Variants in PCCB observed in about 807,000 individuals in gnomAD.
The protein encoded by PCCB is propionyl-CoA carboxylase subunit beta, also known as propionyl-CoA carboxylase beta chain, mitochondrial.
In PCCB, 43 loss-of-function variants were observed where a neutral mutation model predicts 60.7. That is an observed-to-expected ratio of 0.71 (90% CI 0.55 to 0.91). The LOEUF (loss-of-function observed/expected upper bound fraction) is 0.91. PCCB is among the 40% of genes least tolerant of loss of function. PCCB has a pLI of 0.00. For missense variants in PCCB, 766 were observed against 702.8 expected (o/e 1.09, Z -1.02); for synonymous variants, 276 against 255.9 (o/e 1.08, Z -0.75).
chr3:136,315,499 C>G (rs1005530563), intron 9 of PCCB, among the ~76,000 whole-genome samples: 13 of 152,228 alleles, frequency 8.5e-5, no homozygotes, highest in Admixed American at 7.8e-4. Flanking sequence ...TGCACTCCAT[C>G]CTGGGCAGCT....
intron 5 of PCCB, among the ~76,000 whole-genome samples, chr3:136,267,543 G>A (rs1056723246): frequency 2.0e-5 from 3 of 151,932 alleles, no homozygotes; most frequent in Admixed American, 6.6e-5. Context: ...GAAGTGTAGT[G>A]GTGTAATCAT....
chr3:136,252,526 A>ATTTT, intron 1 of PCCB: 1 of 285,350 alleles, frequency 3.5e-6, no homozygotes, highest in Non-Finnish European at 6.8e-6. Flanking sequence ...GGATGACAGA[A>ATTTT]TTTTTTTTTT....
chr3:136,317,242 T>TTTTTTG (rs869106733), intron 10 of PCCB, among the ~76,000 whole-genome samples, 178 bp downstream of exon 10: 12 of 130,686 alleles, frequency 9.2e-5, no homozygotes, highest in South Asian at 2.5e-4. Flanking sequence ...TTTTTTTTTT[T>TTTTTTG]AGACAGGGTC....
intron 3 of PCCB, among the ~76,000 whole-genome samples, chr3:136,257,819 G>A (rs1228810834): frequency 6.6e-6 from 1 of 152,122 alleles, no homozygotes; most frequent in East Asian, 1.9e-4. Flanking sequence ...TGTAATCCCA[G>A]CTACTTGGGA....
At chr3:136,256,044 A>G in intron 2 of PCCB, 69 bp downstream of exon 2, 1 of 1,609,734 alleles carries the variant, frequency 6.2e-7, no homozygotes, top group South Asian at 1.1e-5. Context: ...CTAGAATAAT[A>G]ATAAATCTAT....
rs1394193747 is a variant in PCCB, at chr3:136,260,501, G to A, written c.395G>A (p.Ser132Asn). 1 of 1,613,624 alleles carries A rather than the reference G, an allele frequency of 6.2e-7. No homozygotes were observed. The highest frequency in any genetic ancestry group is 8.5e-7 in the Non-Finnish European group (1 of 1,179,720). ...FSQDFTVFGG[S>N]LSGAHAQKIC... The stretch of plus-strand genomic sequence containing the variant: ...TAGGATTTTACAGTTTTTGGAGGCA[G>A]TCTGTCAGGAGCACATGCCCAAAAG... Residue 132 changes from serine (S) to asparagine (N), a missense_variant, in exon 4 of 15, where the codon AGT becomes AAT. Coordinates refer to ENST00000251654, the MANE Select transcript of PCCB (RefSeq NM_000532.5).
At chr3:136,313,855 A>G (rs1934768612) in intron 9 of PCCB, among the ~76,000 whole-genome samples, 1 of 152,186 alleles carries the variant, frequency 6.6e-6, no homozygotes, top group South Asian at 2.1e-4. Flanking sequence ...GATCGAATAA[A>G]TAAGTACATT....
intron 5 of PCCB, among the ~76,000 whole-genome samples, chr3:136,269,278 T>C (rs554373108): frequency 2.0e-5 from 3 of 152,116 alleles, no homozygotes; most frequent in Non-Finnish European, 4.4e-5. Context: ...CAAAATATTT[T>C]ACTCTTTGTG....
intron 5 of PCCB, among the ~76,000 whole-genome samples, chr3:136,276,657 C>G (rs1026761981): frequency 8.5e-5 from 13 of 152,274 alleles, no homozygotes; most frequent in South Asian, 4.2e-4. Context: ...TCTATAGGTT[C>G]ACCTTTGCCA....
rs755258738 is a variant in PCCB, at chr3:136,293,736, C to G, written c.655-20C>G. On this transcript the variant is annotated intron_variant, in intron 6 of 14. Transcript: ENST00000251654. Reference sequence around the variant, plus strand: ...CTCTGGTGCTCTGAGGTTGACTGTTCTGGAAATCTTTTATTTCAGGACACC... The same window carrying G: ...CTCTGGTGCTCTGAGGTTGACTGTTGTGGAAATCTTTTATTTCAGGACACC... 10 of 1,502,154 alleles carry G rather than the reference C, an allele frequency of 6.7e-6. No individual in the cohort carries two copies. Among genetic ancestry groups the G allele is most frequent in the African/African-American group, 1.4e-5 (1 of 72,658 alleles). The allele number at this position is 1,502,154 out of a possible 1,614,324, so 93.1% of individuals were successfully genotyped here.
intron 9 of PCCB, among the ~76,000 whole-genome samples, chr3:136,313,787 T>G (rs1335131924): frequency 6.6e-6 from 1 of 152,168 alleles, no homozygotes; most frequent in Non-Finnish European, 1.5e-5. Context: ...TTCTAGCTAG[T>G]AGGTCTGTTT....
At chr3:136,287,817 T>G (rs1464828401) in intron 6 of PCCB, among the ~76,000 whole-genome samples, 1 of 152,262 alleles carries the variant, frequency 6.6e-6, no homozygotes, top group African/African-American at 2.4e-5. Flanking sequence ...CCATTGCAAA[T>G]GATGCTGATG....
chr3:136,275,268 C>T (rs563299846), intron 5 of PCCB, among the ~76,000 whole-genome samples: 16 of 151,858 alleles, frequency 1.1e-4, no homozygotes, highest in East Asian at 3.8e-4. Flanking sequence ...GTTTCATTTC[C>T]GGAAATTCTG....
At chr3:136,318,157 T>G (rs1352176959) in intron 10 of PCCB, among the ~76,000 whole-genome samples, 1 of 152,106 alleles carries the variant, frequency 6.6e-6, no homozygotes, top group Non-Finnish European at 1.5e-5. Context: ...GCCAACATGG[T>G]GAAACCCTGT....
chr3:136,303,589 C>G (rs193038166), intron 9 of PCCB, among the ~76,000 whole-genome samples: 1 of 121,684 alleles, frequency 8.2e-6, no homozygotes, highest in Non-Finnish European at 1.8e-5. Flanking sequence ...ATTTGCTTTA[C>G]TTATTTATTT....
At chr3:136,269,994 T>G (rs1175203172) in intron 5 of PCCB, among the ~76,000 whole-genome samples, 6 of 130,148 alleles carry the variant, frequency 4.6e-5, no homozygotes, top group Admixed American at 7.4e-5. Context: ...CTGGTGTGTG[T>G]TTTTTTTTTT....
chr3:136,314,991 A>T (rs187585158), intron 9 of PCCB, among the ~76,000 whole-genome samples: 5 of 152,346 alleles, frequency 3.3e-5, no homozygotes, highest in African/African-American at 1.2e-4. Context: ...GCTTAGCTCA[A>T]AATTAAACAT....
At chr3:136,261,687 G>T (rs1941830691) in intron 4 of PCCB, among the ~76,000 whole-genome samples, 1 of 152,188 alleles carries the variant, frequency 6.6e-6, no homozygotes, top group Admixed American at 6.5e-5. Flanking sequence ...TTCTAGAAAT[G>T]GTTGCCATGA....
At chr3:136,326,600 C>G (rs1935319235) in intron 10 of PCCB, among the ~76,000 whole-genome samples, 1 of 152,100 alleles carries the variant, frequency 6.6e-6, no homozygotes, top group South Asian at 2.1e-4. Context: ...AGTTCTGGGC[C>G]TCTTTGGCCA....
Sources: gnomAD v4.1 joint callset for allele counts (sites outside exome capture counted in the v4.1 genomes callset) on GRCh38, gnomAD v4.1.1 for gene constraint, MANE v1.5 for transcripts, NCBI Gene and HGNC (gene_info 2026-07-23, HGNC 2026-07-21) for gene names.